NTAQ1: variants seen among roughly 807,000 people sequenced by gnomAD.
NTAQ1 encodes the protein protein N-terminal glutamine amidohydrolase.
Under a neutral mutation model 28.2 loss-of-function variants are expected in NTAQ1, and 21 were observed. That is an observed-to-expected ratio of 0.74 (90% CI 0.53 to 1.07). NTAQ1 has a LOEUF of 1.07. NTAQ1 is among the 50% of genes least tolerant of loss of function. The probability of loss-of-function intolerance (pLI) is 0.00; values close to 1 mark genes in which losing one functional copy is unlikely to be tolerated. For synonymous variants in NTAQ1, 105 were observed against 90.0 expected (o/e 1.17, Z -0.94); for missense variants, 264 against 256.6 (o/e 1.03, Z -0.20).
intron 6 of NTAQ1, among the ~76,000 whole-genome samples, chr8:123,456,507 A>G (rs1181230398): frequency 1.3e-5 from 2 of 152,226 alleles, no homozygotes; most frequent in Non-Finnish European, 2.9e-5. Flanking sequence ...GCGGGAACTA[A>G]TAATTCCTGT....
chr8:123,471,559 A>T (rs560610941), downstream of NTAQ1, among the ~76,000 whole-genome samples: 1 of 152,292 alleles, frequency 6.6e-6, no homozygotes, highest in African/African-American at 2.4e-5. Context: ...ATGTCCAAAG[A>T]CCTGAGATCC....
At chr8:123,440,808 G>A (rs1203799171) in intron 5 of NTAQ1, among the ~76,000 whole-genome samples, 1 of 152,104 alleles carries the variant, frequency 6.6e-6, no homozygotes, top group Non-Finnish European at 1.5e-5. Context: ...GCTCAGAGCA[G>A]CCTTTCATCG....
intron 5 of NTAQ1, among the ~76,000 whole-genome samples, chr8:123,440,465 C>T (rs1026853663): frequency 2.0e-5 from 3 of 148,776 alleles, no homozygotes. Flanking sequence ...TGCTTTTCGT[C>T]TTTCTGAGTA....
At chr8:123,442,555 G>C (rs1245821416), downstream of NTAQ1, among the ~76,000 whole-genome samples, 1 of 147,522 alleles carries the variant, frequency 6.8e-6, no homozygotes. Context: ...AGATCATGCT[G>C]CTGCACTCCA....
intron 1 of NTAQ1, among the ~76,000 whole-genome samples, chr8:123,418,068 A>T (rs1164563827): frequency 6.6e-6 from 1 of 152,342 alleles, no homozygotes; most frequent in South Asian, 2.1e-4. Flanking sequence ...CACTTGGAGT[A>T]TGTGGCATAC....
rs1815341893 is a variant in NTAQ1, at chr8:123,447,723, C to T, written c.*83-324C>T. 2.0e-5 allele frequency among the ~76,000 whole-genome samples: 3 copies of T among 152,220 alleles called. No homozygotes were observed. The South Asian group carries it at 6.2e-4, about 32-fold the overall frequency. The stretch of plus-strand genomic sequence containing the variant: ...TTTCTAACTGCATACATTCATTGTG[C>T]CTCTTTCTGTATTTTATATAATTTC... On this transcript the variant is annotated intron_variant, in intron 6 of 6. Transcript: ENST00000524254.
At chr8:123,426,022 C>A (rs527315024) in intron 1 of NTAQ1, among the ~76,000 whole-genome samples, 1 of 152,016 alleles carries the variant, frequency 6.6e-6, no homozygotes, top group Non-Finnish European at 1.5e-5. Flanking sequence ...AGACTCCGTC[C>A]CCGCTCCCCC....
chr8:123,417,669 G>A (rs1813385491), intron 1 of NTAQ1, among the ~76,000 whole-genome samples: 1 of 151,982 alleles, frequency 6.6e-6, no homozygotes, highest in Admixed American at 6.6e-5. Flanking sequence ...CCTTGTACAG[G>A]AAACCTCAGT....
intron 6 of NTAQ1, among the ~76,000 whole-genome samples, chr8:123,464,198 G>A (rs915534221): frequency 2.4e-4 from 37 of 152,182 alleles, no homozygotes; most frequent in African/African-American, 8.7e-4. Context: ...TTGCAGAGTT[G>A]TTCCCTTCTG....
exon 7 of NTAQ1, among the ~76,000 whole-genome samples, chr8:123,469,842 C>T (rs1030726998): frequency 2.0e-5 from 3 of 152,206 alleles, no homozygotes; most frequent in Admixed American, 1.3e-4. Flanking sequence ...TGCAGAATCT[C>T]GTCTTCCGTT....
rs376696958 is a variant in NTAQ1, at chr8:123,436,436, G to T, written c.235-17G>T. The T allele has an allele frequency of 3.7e-5, 59 of 1,611,742 alleles. No homozygotes were observed. In the African/African-American group the frequency reaches 5.7e-4, roughly 16 times the overall value. ...TTATGAAGTAACTTGGTTAACTTCAGCAACTTTTACTTTTAGGATTACCAT... is the reference window on the plus strand; with the variant it reads ...TTATGAAGTAACTTGGTTAACTTCATCAACTTTTACTTTTAGGATTACCAT... On this transcript the variant is annotated splice_polypyrimidine_tract_variant and intron_variant, in intron 3 of 5. Coordinates refer to ENST00000287387, the MANE Select transcript of NTAQ1 (RefSeq NM_018024.3).
chr8:123,418,310 G>A (rs1396648765), intron 1 of NTAQ1, among the ~76,000 whole-genome samples: 1 of 152,068 alleles, frequency 6.6e-6, no homozygotes, highest in Non-Finnish European at 1.5e-5. Context: ...AATTAGCCAG[G>A]TGTGGTGGCG....
At chr8:123,447,502 A>T (rs1231567611) in intron 6 of NTAQ1, among the ~76,000 whole-genome samples, 2 of 152,114 alleles carry the variant, frequency 1.3e-5, no homozygotes, top group African/African-American at 4.8e-5. Context: ...TGACAATCTG[A>T]TGGGGTTGGC....
intron 1 of NTAQ1, among the ~76,000 whole-genome samples, chr8:123,419,155 A>G (rs1427346167): frequency 4.2e-5 from 6 of 141,332 alleles, no homozygotes; most frequent in East Asian, 2.1e-4. Flanking sequence ...CTGGAGTGCA[A>G]TGATGCCATC....
intron 6 of NTAQ1, among the ~76,000 whole-genome samples, chr8:123,454,225 G>C (rs1815584037): frequency 6.6e-6 from 1 of 152,206 alleles, no homozygotes; most frequent in African/African-American, 2.4e-5. Flanking sequence ...AACAGAAATT[G>C]CTTGCTACGT....
downstream of NTAQ1, among the ~76,000 whole-genome samples, chr8:123,444,420 G>A (rs1288029345): frequency 3.9e-5 from 6 of 152,140 alleles, no homozygotes; most frequent in South Asian, 2.1e-4. Flanking sequence ...GGCTAGTCTC[G>A]AACTCCTGAC....
chr8:123,434,518 G>T (rs1396312496), intron 3 of NTAQ1, among the ~76,000 whole-genome samples: 1 of 151,990 alleles, frequency 6.6e-6, no homozygotes, highest in Non-Finnish European at 1.5e-5. Flanking sequence ...CCAGCTACTC[G>T]GGAGGCTGAG....
chr8:123,459,378 C>G (rs950894917), intron 6 of NTAQ1, among the ~76,000 whole-genome samples: 1 of 152,108 alleles, frequency 6.6e-6, no homozygotes. Context: ...TTCTGCTATC[C>G]GGAAGCTCTC....
At chr8:123,431,892 C>T (rs1026202966) in intron 3 of NTAQ1, among the ~76,000 whole-genome samples, 2 of 152,168 alleles carry the variant, frequency 1.3e-5, no homozygotes, top group East Asian at 3.8e-4. Context: ...TCCGTGTGCA[C>T]GAGAAATCAT....
Sources: gnomAD v4.1 joint callset for allele counts (sites outside exome capture counted in the v4.1 genomes callset) on GRCh38, gnomAD v4.1.1 for gene constraint, MANE v1.5 for transcripts, NCBI Gene and HGNC (gene_info 2026-07-23, HGNC 2026-07-21) for gene names.